The following GRIK2 variants were observed in gnomAD, a reference collection of about 807,000 sequenced individuals.
GRIK2 encodes the protein glutamate ionotropic receptor kainate type subunit 2.
Under a neutral mutation model 100.3 loss-of-function variants are expected in GRIK2, and 32 were observed. The observed-to-expected ratio is 0.32, with a 90% CI of 0.24 to 0.43. GRIK2 has a LOEUF of 0.43. GRIK2 is among the 20% of genes least tolerant of loss of function. GRIK2 has a pLI of 1.00. For synonymous variants in GRIK2, 417 were observed against 389.4 expected (o/e 1.07, Z -0.83); for missense variants, 843 against 1,114.9 (o/e 0.76, Z 3.47).
chr6:101,930,285 T>C (rs2791802), intron 14 of GRIK2, among the ~76,000 whole-genome samples: 130,146 of 151,374 alleles, frequency 0.86, 56,041 homozygotes, highest in East Asian at 0.92. Flanking sequence ...GAGGTTGTAG[T>C]GAGCTAAGAT....
intron 2 of GRIK2, among the ~76,000 whole-genome samples, chr6:101,592,516 A>G (rs942532125): frequency 2.0e-5 from 3 of 148,484 alleles, no homozygotes; most frequent in African/African-American, 7.4e-5. Context: ...CAACATTTCC[A>G]TCAGCTGAAG....
At chr6:101,577,279 T>C (rs1777836628) in intron 2 of GRIK2, among the ~76,000 whole-genome samples, 1 of 152,060 alleles carries the variant, frequency 6.6e-6, no homozygotes, top group African/African-American at 2.4e-5. Flanking sequence ...TTAAAGTGAC[T>C]TTTTTTATTT....
intron 14 of GRIK2, among the ~76,000 whole-genome samples, chr6:102,011,690 TCTC>T (rs1795547000): frequency 6.8e-6 from 1 of 147,314 alleles, no homozygotes; most frequent in Admixed American, 6.9e-5. Context: ...TTCACGCCAT[TCTC>T]CTGCCTCAGC....
intron 2 of GRIK2, among the ~76,000 whole-genome samples, chr6:101,426,354 T>A (rs1776696920): frequency 6.6e-6 from 1 of 152,216 alleles, no homozygotes; most frequent in African/African-American, 2.4e-5. Flanking sequence ...GTCTTCTAGC[T>A]ATTTTGAAAC....
chr6:102,027,728 C>T (rs1490466518), intron 14 of GRIK2, among the ~76,000 whole-genome samples: 1 of 149,314 alleles, frequency 6.7e-6, no homozygotes, highest in Admixed American at 6.7e-5. Flanking sequence ...TTTAGACAGT[C>T]AGGTTCATAA....
intron 12 of GRIK2, among the ~76,000 whole-genome samples, chr6:101,906,688 A>C (rs1468760570): frequency 2.6e-5 from 4 of 151,724 alleles, no homozygotes; most frequent in African/African-American, 4.8e-5. Flanking sequence ...CCTGCAGAGG[A>C]TGTAATCCTA....
chr6:101,546,765 A>G (rs1448006957), intron 2 of GRIK2, among the ~76,000 whole-genome samples: 2 of 151,726 alleles, frequency 1.3e-5, no homozygotes, highest in Non-Finnish European at 2.9e-5. Context: ...TGCCTCTTAA[A>G]AGAGCCAGTT....
chr6:101,441,462 T>G (rs1383920069), intron 2 of GRIK2, among the ~76,000 whole-genome samples: 2 of 152,150 alleles, frequency 1.3e-5, no homozygotes, highest in Non-Finnish European at 2.9e-5. Flanking sequence ...AGTTTTTTGT[T>G]TTTCTTTTAT....
intron 2 of GRIK2, among the ~76,000 whole-genome samples, chr6:101,492,506 A>C (rs1160540605): frequency 6.6e-6 from 1 of 151,946 alleles, no homozygotes; most frequent in Non-Finnish European, 1.5e-5. Flanking sequence ...GTTATAATAA[A>C]TTAATGTTAT....
chr6:101,571,064 T>TC (rs1213504730), intron 2 of GRIK2, among the ~76,000 whole-genome samples: 1 of 140 alleles, frequency 7.1e-3, no homozygotes, highest in Admixed American at 0.1. Context: ...TGTGCAGTAT[T>TC]TTGTGTATGT....
chr6:101,542,772 T>A (rs1237041045), intron 2 of GRIK2, among the ~76,000 whole-genome samples: 1 of 152,196 alleles, frequency 6.6e-6, no homozygotes, highest in South Asian at 2.1e-4. Context: ...ATTAACTAAA[T>A]TTTGAAAAAT....
At chr6:102,046,009 G>A (rs890820557) in intron 15 of GRIK2, among the ~76,000 whole-genome samples, 3 of 152,020 alleles carry the variant, frequency 2.0e-5, no homozygotes, top group Non-Finnish European at 4.4e-5. Context: ...GATGGAAAAT[G>A]TATTCCATGC....
intron 11 of GRIK2, among the ~76,000 whole-genome samples, chr6:101,863,930 G>A (rs1784891271): frequency 6.6e-6 from 1 of 151,752 alleles, no homozygotes; most frequent in Non-Finnish European, 1.5e-5. Context: ...GAGGTCAGGA[G>A]ATCGAGACCA....
chr6:101,758,448 G>A (rs1777275078), intron 7 of GRIK2, among the ~76,000 whole-genome samples: 1 of 152,064 alleles, frequency 6.6e-6, no homozygotes, highest in African/African-American at 2.4e-5. Flanking sequence ...GGATTATTAA[G>A]TGCACATTGT....
intron 7 of GRIK2, among the ~76,000 whole-genome samples, chr6:101,732,818 C>T (rs768187234): frequency 2.0e-5 from 3 of 151,972 alleles, no homozygotes; most frequent in Non-Finnish European, 4.4e-5. Flanking sequence ...GCAGACTCAT[C>T]CTCCCTATCT....
At chr6:101,913,775 G>T (rs1313089875) in intron 12 of GRIK2, among the ~76,000 whole-genome samples, 1 of 151,414 alleles carries the variant, frequency 6.6e-6, no homozygotes, top group East Asian at 1.9e-4. Flanking sequence ...TAATATGAAT[G>T]CTATGTAAGA....
At chr6:101,716,551 G>T (rs1774080238) in intron 7 of GRIK2, among the ~76,000 whole-genome samples, 1 of 139,826 alleles carries the variant, frequency 7.2e-6, no homozygotes, top group African/African-American at 2.7e-5. Flanking sequence ...CAATGCTTTT[G>T]TACTGGGCCC....
chr6:101,920,370 T>C (rs1427143664), intron 12 of GRIK2, among the ~76,000 whole-genome samples: 3 of 151,934 alleles, frequency 2.0e-5, no homozygotes, highest in Non-Finnish European at 2.9e-5. Context: ...TTTCCTAAAA[T>C]GAGGAAGATT....
chr6:101,778,708 G>A (rs897203939), intron 7 of GRIK2, among the ~76,000 whole-genome samples: 5 of 152,004 alleles, frequency 3.3e-5, no homozygotes, highest in Non-Finnish European at 5.9e-5. Flanking sequence ...ATATACTAAC[G>A]TTCTGTTCTG....
Sources: allele counts gnomAD v4.1 joint callset (sites outside exome capture counted in the v4.1 genomes callset), GRCh38; gene constraint gnomAD v4.1.1; transcripts MANE v1.5; gene names NCBI Gene and HGNC (gene_info 2026-07-23, HGNC 2026-07-21).